KDM4C: variants seen among roughly 807,000 people sequenced by gnomAD.
KDM4C encodes lysine-specific demethylase 4C.
Under a neutral mutation model 129.3 loss-of-function variants are expected in KDM4C, and 81 were observed. The observed-to-expected ratio is 0.63, with a 90% CI of 0.52 to 0.75. KDM4C has a LOEUF of 0.75. Ranked by LOEUF, KDM4C falls within the 30% of genes least tolerant of loss-of-function variation. The pLI is 0.00. For synonymous variants in KDM4C, 573 were observed against 456.1 expected, an observed-to-expected ratio of 1.26 and a Z score of -3.26; for missense variants, 1,457 against 1,304.0, an observed-to-expected ratio of 1.12 and a Z score of -1.81.
At chr9:6,923,329 T>C (rs1051875618) in intron 8 of KDM4C, among the ~76,000 whole-genome samples, 1 of 152,150 alleles carries the variant, frequency 6.6e-6, no homozygotes, top group African/African-American at 2.4e-5. Flanking sequence ...ATTGCACAAG[T>C]ATGGTTTGTA....
chr9:7,092,115 CTTT>C (rs915902667), intron 17 of KDM4C, among the ~76,000 whole-genome samples: 25 of 152,204 alleles, frequency 1.6e-4, no homozygotes, highest in African/African-American at 5.5e-4. Context: ...TCTGCTGTTT[CTTT>C]TTTCTTCTTC....
Position 6,802,622 on chromosome 9 carries a change from C to CTTAT in KDM4C, c.145-2958_145-2955dup, listed in dbSNP as rs201281143. Among the ~76,000 whole-genome samples the CTTAT allele has an allele frequency of 6.9e-3, 1,047 of 152,048 alleles. 15 individuals carry two copies. The highest frequency in any genetic ancestry group is 0.024 in the African/African-American group (978 of 41,458). ...TCAGCTACATAGGCTGTTACATTTG[C>CTTAT]TTATTTATTTATTTATTTATTTTGA... is the stretch of plus-strand genomic sequence containing the variant. On this transcript the variant is annotated intron_variant, in intron 2 of 21. Transcript: ENST00000381309.
chr9:6,865,891 C>G (rs987141782), intron 5 of KDM4C, among the ~76,000 whole-genome samples: 11 of 152,130 alleles, frequency 7.2e-5, no homozygotes, highest in African/African-American at 2.4e-4. Context: ...GCTGGGACTA[C>G]AGGCGCCCGC....
At chr9:6,761,313 G>GATGTCAGT (rs1313811027) in intron 1 of KDM4C, among the ~76,000 whole-genome samples, 1 of 151,866 alleles carries the variant, frequency 6.6e-6, no homozygotes, top group East Asian at 1.9e-4. Context: ...CCGGCCTCTG[G>GATGTCAGT]ATGTCAGTAT....
intron 8 of KDM4C, among the ~76,000 whole-genome samples, chr9:6,897,542 A>C (rs564595479): frequency 9.2e-5 from 14 of 152,208 alleles, no homozygotes; most frequent in Non-Finnish European, 1.8e-4. Flanking sequence ...CTCTAATCAA[A>C]GACAAGATCA....
intron 19 of KDM4C, among the ~76,000 whole-genome samples, chr9:7,159,972 C>G (rs1843609634): frequency 6.6e-6 from 1 of 152,222 alleles, no homozygotes; most frequent in Non-Finnish European, 1.5e-5. Flanking sequence ...GTACACCAAT[C>G]AAATGCAGAT....
rs939819309 is a variant in KDM4C at position 6,758,593 on chromosome 9, C to T, written c.-18+390C>T. Among the ~76,000 whole-genome samples, 2 of 152,208 alleles carry T rather than the reference C, an allele frequency of 1.3e-5. No individual in the cohort carries two copies. The highest frequency in any genetic ancestry group is 2.9e-5 in the Non-Finnish European group (2 of 68,034). ...CCAGGAAGGCCGGGCCTGGTGCACC[C>T]CTCGGGGCCCTCCCTTCCCTGGGAG... On this transcript the variant is annotated intron_variant, in intron 1 of 21. Coordinates refer to ENST00000381309, the MANE Select transcript of KDM4C (RefSeq NM_015061.6). This position sits in a 1 kb window ranked among gnomAD's most constrained non-coding sequence, Gnocchi z 4.6.
At chr9:6,879,945 A>G in intron 5 of KDM4C, 67 bp from the exon 6 acceptor site, 1 of 699,094 alleles carries the variant, frequency 1.4e-6, no homozygotes, top group South Asian at 2.0e-5. Flanking sequence ...ATTTAGGAAT[A>G]GATGTCCTTA....
chr9:6,834,389 C>T (rs555877977), intron 4 of KDM4C: 10 of 361,086 alleles, frequency 2.8e-5, no homozygotes, highest in East Asian at 2.0e-4. Flanking sequence ...AGACCACGTC[C>T]GCCCCGTGAG....
At chr9:6,897,742 C>A (rs1816693497) in intron 8 of KDM4C, among the ~76,000 whole-genome samples, 1 of 152,166 alleles carries the variant, frequency 6.6e-6, no homozygotes, top group South Asian at 2.1e-4. Flanking sequence ...TAAAACTCCA[C>A]TTGCAAAGTT....
chr9:7,001,070 T>C (rs1260570213), intron 12 of KDM4C, among the ~76,000 whole-genome samples: 2 of 152,226 alleles, frequency 1.3e-5, no homozygotes, highest in Non-Finnish European at 2.9e-5. Flanking sequence ...AGAAGGTGGC[T>C]CTCTTTATCA....
At chr9:6,900,228 G>A (rs1709721309) in intron 8 of KDM4C, among the ~76,000 whole-genome samples, 1 of 152,126 alleles carries the variant, frequency 6.6e-6, no homozygotes, top group Non-Finnish European at 1.5e-5. Context: ...GGGAGTTTGG[G>A]ATGAAGAAGA....
chr9:7,006,834 T>G (rs1303699671), intron 12 of KDM4C, among the ~76,000 whole-genome samples: 1 of 152,194 alleles, frequency 6.6e-6, no homozygotes, highest in African/African-American at 2.4e-5. Context: ...TAAGTGAGAA[T>G]GAATACTTTT....
intron 5 of KDM4C, among the ~76,000 whole-genome samples, chr9:6,878,427 C>A (rs1843907180): frequency 6.6e-6 from 1 of 152,002 alleles, no homozygotes; most frequent in African/African-American, 2.4e-5. Flanking sequence ...AATAGCTGCA[C>A]CTGGGAAATA....
At chr9:6,995,387 A>G (rs771805026) in intron 12 of KDM4C, among the ~76,000 whole-genome samples, 6 of 152,188 alleles carry the variant, frequency 3.9e-5, no homozygotes, top group Non-Finnish European at 8.8e-5. Context: ...ATTTCCACAC[A>G]GAGAATAGTT....
chr9:7,129,698 C>T (rs1293725849), intron 19 of KDM4C, among the ~76,000 whole-genome samples: 4 of 152,170 alleles, frequency 2.6e-5, no homozygotes, highest in African/African-American at 9.6e-5. Flanking sequence ...ATGTCTAGAA[C>T]CCATGTGGTT....
intron 17 of KDM4C, among the ~76,000 whole-genome samples, chr9:7,063,025 C>T (rs994514051): frequency 1.3e-5 from 2 of 152,094 alleles, no homozygotes; most frequent in African/African-American, 2.4e-5. Flanking sequence ...TATAAATACA[C>T]TTTAATTTCT....
At chr9:6,843,615 G>A (rs1837361771) in intron 4 of KDM4C, among the ~76,000 whole-genome samples, 2 of 152,134 alleles carry the variant, frequency 1.3e-5, no homozygotes, top group Admixed American at 6.5e-5. Flanking sequence ...GCCATGAAAG[G>A]CGATTGAGAA....
At chr9:6,895,862 CAT>C (rs1478092092) in intron 8 of KDM4C, among the ~76,000 whole-genome samples, 1 of 152,178 alleles carries the variant, frequency 6.6e-6, no homozygotes, top group Non-Finnish European at 1.5e-5. Context: ...ACTAAAATAT[CAT>C]GTGCTTTCTT....
Sources: gnomAD v4.1 joint callset for allele counts (sites outside exome capture counted in the v4.1 genomes callset) on GRCh38, gnomAD v4.1.1 for gene constraint, Gnocchi (gnomAD v3.1) non-coding constraint, MANE v1.5 for transcripts, NCBI Gene and HGNC (gene_info 2026-07-23, HGNC 2026-07-21) for gene names.